Variants in BACH2 observed in about 807,000 individuals in gnomAD.
The protein encoded by BACH2 is transcription regulator protein BACH2.
A neutral mutation model predicts 61.8 loss-of-function variants in BACH2; 5 were observed. The ratio of observed to expected loss-of-function variants is 0.08; its 90% CI spans 0.04 to 0.17. The LOEUF is 0.17. BACH2 is among the 10% of genes least tolerant of loss of function. The pLI is 1.00. For missense variants in BACH2, 824 were observed against 1,091.1 expected (o/e 0.76, Z 3.45); for synonymous variants, 446 against 440.1 (o/e 1.01, Z -0.17).
At chr6:89,981,952 G>T (rs1775981611) in intron 6 of BACH2, among the ~76,000 whole-genome samples, 2 of 152,080 alleles carry the variant, frequency 1.3e-5, no homozygotes, top group South Asian at 4.2e-4. Flanking sequence ...GGGTCTGTGA[G>T]ATGCAGGTTG....
chr6:90,080,898 G>C (rs1020375712), intron 5 of BACH2: 11 of 446,196 alleles, frequency 2.5e-5, no homozygotes, highest in African/African-American at 4.3e-5. Flanking sequence ...AATCTTTTTT[G>C]GGTGATAGTC....
intron 1 of BACH2, among the ~76,000 whole-genome samples, chr6:90,294,693 C>T (rs2127895415): frequency 6.6e-6 from 1 of 152,196 alleles, no homozygotes; most frequent in South Asian, 2.1e-4. Flanking sequence ...CGGGAGGTGC[C>T]CGAGAACCAG....
intron 5 of BACH2, among the ~76,000 whole-genome samples, chr6:90,031,218 C>T (rs1396227025): frequency 6.6e-6 from 1 of 151,932 alleles, no homozygotes; most frequent in Non-Finnish European, 1.5e-5. Context: ...ATAATAAGAG[C>T]TATCTATGAC....
chr6:90,139,606 A>T (rs1784396102), intron 4 of BACH2, among the ~76,000 whole-genome samples: 2 of 151,144 alleles, frequency 1.3e-5, no homozygotes, highest in Admixed American at 6.6e-5. Context: ...TCTGGGGAGG[A>T]GGGGTAGGGG....
intron 5 of BACH2, among the ~76,000 whole-genome samples, chr6:90,055,011 C>T (rs987409341): frequency 4.6e-5 from 7 of 152,094 alleles, no homozygotes; most frequent in South Asian, 2.1e-4. Context: ...GATAAAACCA[C>T]AAAGATGTGA....
intron 4 of BACH2, among the ~76,000 whole-genome samples, chr6:90,166,766 G>A (rs1322662899): frequency 6.6e-6 from 1 of 151,840 alleles, no homozygotes. Context: ...GGACATGGAT[G>A]GAAGCTGGAA....
At chr6:90,081,332 T>C (rs996733433) in intron 5 of BACH2, among the ~76,000 whole-genome samples, 1 of 152,126 alleles carries the variant, frequency 6.6e-6, no homozygotes, top group Admixed American at 6.5e-5. Flanking sequence ...AAACTAAAGA[T>C]AAAGAACCAA....
intron 5 of BACH2, among the ~76,000 whole-genome samples, chr6:90,016,063 C>G (rs998089057): frequency 6.6e-6 from 1 of 152,142 alleles, no homozygotes; most frequent in Non-Finnish European, 1.5e-5. Context: ...TACTTTGTCT[C>G]ATATTAACAT....
chr6:89,944,153 T>G lies in BACH2; in HGVS notation c.1837-5803A>C, dbSNP rs576988768. Among the ~76,000 whole-genome samples the G allele has an allele frequency of 1.1e-4, 17 of 152,360 alleles. No individual in the cohort carries two copies. In the South Asian group the frequency reaches 3.5e-3, roughly 32 times the overall value. On this transcript the variant is annotated intron_variant, in intron 7 of 8. Transcript: ENST00000257749. ...TTGTGATACGTCAATTAATTAGTTG[T>G]GTGATCTCAGGCAAGTCTTCATTCT...
rs114755207 is a variant in BACH2 at position 90,053,709 on chromosome 6, C to T, written c.-13+35252G>A. Among the ~76,000 whole-genome samples, 536 of 152,272 alleles carry T rather than the reference C, an allele frequency of 3.5e-3. 6 individuals carry two copies. The highest frequency in any genetic ancestry group is 0.012 in the African/African-American group (503 of 41,554). On this transcript the variant is annotated intron_variant, in intron 5 of 8. Transcript: ENST00000257749. ...TTTTGCTGAAAACACAATTTTAAGT[C>T]GAAAATCATTTTCTCTCAGAACTTT... is the stretch of plus-strand genomic sequence containing the variant.
At chr6:89,980,814 T>C (rs1775908446) in intron 6 of BACH2, among the ~76,000 whole-genome samples, 1 of 152,222 alleles carries the variant, frequency 6.6e-6, no homozygotes, top group South Asian at 2.1e-4. Flanking sequence ...GTTTATCTTG[T>C]GTAGTTTTAG....
chr6:90,029,431 G>A (rs925612901), intron 5 of BACH2, among the ~76,000 whole-genome samples: 2 of 152,010 alleles, frequency 1.3e-5, no homozygotes, highest in Non-Finnish European at 2.9e-5. Context: ...TCTCAGTGAG[G>A]CCTCCCTAAC....
chr6:89,985,139 C>T (rs150182765), intron 6 of BACH2, among the ~76,000 whole-genome samples: 1,642 of 152,244 alleles, frequency 0.011, 18 homozygotes, highest in Non-Finnish European at 0.014. Flanking sequence ...GTTGGAGACA[C>T]GAAGCATTAA....
intron 4 of BACH2, among the ~76,000 whole-genome samples, chr6:90,099,082 C>G (rs937849588): frequency 6.6e-6 from 1 of 151,874 alleles, no homozygotes; most frequent in Non-Finnish European, 1.5e-5. Flanking sequence ...ATAAAAGCAA[C>G]GGCCTCCCGT....
chr6:90,212,803 A>G (rs1449486092), intron 3 of BACH2, among the ~76,000 whole-genome samples: 1 of 152,234 alleles, frequency 6.6e-6, no homozygotes, highest in African/African-American at 2.4e-5. Context: ...TTGGTAACAC[A>G]CGCACACAAA....
intron 4 of BACH2, among the ~76,000 whole-genome samples, chr6:90,169,983 G>A (rs1446690340): frequency 6.6e-6 from 1 of 152,150 alleles, no homozygotes; most frequent in Non-Finnish European, 1.5e-5. Flanking sequence ...TTTTTTACAA[G>A]TTTTGGCATC....
intron 2 of BACH2, among the ~76,000 whole-genome samples, chr6:90,259,180 C>A (rs1279807543): frequency 6.6e-6 from 1 of 152,162 alleles, no homozygotes; most frequent in Non-Finnish European, 1.5e-5. Context: ...AGTTTTCCCC[C>A]ATGTATTATA....
At chr6:90,064,411 G>C (rs1780838631) in intron 5 of BACH2, among the ~76,000 whole-genome samples, 1 of 152,176 alleles carries the variant, frequency 6.6e-6, no homozygotes, top group African/African-American at 2.4e-5. Context: ...TGAGGAATAT[G>C]GTCCAGACAA....
chr6:90,194,720 G>C (rs1768696875), intron 4 of BACH2, among the ~76,000 whole-genome samples: 1 of 152,166 alleles, frequency 6.6e-6, no homozygotes, highest in East Asian at 1.9e-4. Context: ...GAAGCCAAGG[G>C]CCTGAGGATG....
Sources: allele counts gnomAD v4.1 joint callset (sites outside exome capture counted in the v4.1 genomes callset), GRCh38; gene constraint gnomAD v4.1.1; transcripts MANE v1.5; gene names NCBI Gene and HGNC (gene_info 2026-07-23, HGNC 2026-07-21).